Variants in MTRES1 observed in about 807,000 individuals in gnomAD.
MTRES1 encodes the protein mitochondrial transcription rescue factor 1, also known as uncharacterized protein C6orf203.
MTRES1 carries 11 observed loss-of-function variants against 17.4 expected under a neutral mutation model. The observed-to-expected ratio is 0.63, with a 90% CI of 0.40 to 1.05. The LOEUF is 1.05. Ranked by LOEUF, MTRES1 falls within the 50% of genes least tolerant of loss-of-function variation. MTRES1 has a pLI of 0.00. For synonymous variants in MTRES1, 94 were observed against 99.6 expected (o/e 0.94, Z 0.34); for missense variants, 268 against 276.2 (o/e 0.97, Z 0.21).
chr6:107,035,430 T>C (rs1773976821), intron 1 of MTRES1, among the ~76,000 whole-genome samples: 1 of 151,374 alleles, frequency 6.6e-6, no homozygotes, highest in Non-Finnish European at 1.5e-5. Flanking sequence ...AAGTAAAACT[T>C]TGAATAATGA....
rs1280720759 is a variant in MTRES1, at chr6:107,051,323, T to G, written c.*87T>G. 4 of 1,209,378 alleles carry G rather than the reference T, an allele frequency of 3.3e-6. No individual in the cohort carries two copies. The highest frequency in any genetic ancestry group is 2.4e-5 in the Admixed American group (1 of 42,062). 74.9% of individuals were successfully genotyped at this position (1,209,378 alleles called of 1,614,324 possible). On this transcript the variant is annotated 3_prime_UTR_variant, in exon 4 of 4. Coordinates refer to ENST00000311381, the MANE Select transcript of MTRES1 (RefSeq NM_016487.5). ...ATAGGACATTTTTATTAAAATAAAG[T>G]TCTCTTAGCGTTTGTGGAATCTGCC...
At chr6:107,041,070 C>CAAA (rs1233262666) in intron 2 of MTRES1, among the ~76,000 whole-genome samples, 1 of 146,388 alleles carries the variant, frequency 6.8e-6, no homozygotes, top group Non-Finnish European at 1.5e-5. Flanking sequence ...ACTAAAAATA[C>CAAA]AAAAAATTAG....
intron 1 of MTRES1, among the ~76,000 whole-genome samples, chr6:107,033,589 T>C (rs1554226663): frequency 2.6e-5 from 4 of 151,954 alleles, no homozygotes; most frequent in Non-Finnish European, 5.9e-5. Flanking sequence ...GAGGCTGAGC[T>C]GGGCAGATCA....
rs1233615869 is a variant in MTRES1, at chr6:107,029,891, C to T, written c.-13+1620C>T. On this transcript the variant is annotated intron_variant, in intron 1 of 3. Transcript: ENST00000311381. ...AAAGTGCTGGGATTATAGGCGTGAGCCACCTGCCTGACCTCATCTTGCCCT... is the reference window on the plus strand; with the variant it reads ...AAAGTGCTGGGATTATAGGCGTGAGTCACCTGCCTGACCTCATCTTGCCCT... 27 of 593,462 alleles carry T rather than the reference C, an allele frequency of 4.5e-5. No individual in the cohort carries two copies. The African/African-American group carries it at 5.1e-4, about 11-fold the overall frequency. The allele number at this position is 593,462 out of a possible 1,614,324, so 36.8% of individuals were successfully genotyped here. A position where few individuals can be genotyped will look rare whatever the true frequency, so the allele number is the denominator to read the frequency against.
intron 1 of MTRES1, among the ~76,000 whole-genome samples, chr6:107,036,257 A>C (rs1774003286): frequency 6.6e-6 from 1 of 152,146 alleles, no homozygotes; most frequent in African/African-American, 2.4e-5. Context: ...AAGAAGTTTA[A>C]TTCTGGCCGG....
intron 3 of MTRES1, among the ~76,000 whole-genome samples, chr6:107,050,551 C>CTTTTTTTTTTTTTTTT (rs142268482): frequency 1.3e-4 from 11 of 81,512 alleles, no homozygotes; most frequent in Admixed American, 1.7e-4. Flanking sequence ...CTCTCCCTTT[C>CTTTTTTTTTTTTTTTT]TTTTTTTTTT....
At chr6:107,044,393 A>C in intron 3 of MTRES1, 61 bp downstream of exon 3, 1 of 1,351,348 alleles carries the variant, frequency 7.4e-7, no homozygotes, top group Non-Finnish European at 1.1e-6. Context: ...CTAGTAACTC[A>C]ATTAATGCTG....
intron 1 of MTRES1, among the ~76,000 whole-genome samples, chr6:107,036,220 CTTATAATGCAAAAT>C (rs1774001843): frequency 6.6e-6 from 1 of 152,084 alleles, no homozygotes; most frequent in East Asian, 1.9e-4. Flanking sequence ...TAGTTGATTT[CTTATAATGCAAAAT>C]TTATTCATCT....
chr6:107,043,867 G>A (rs1323584237), intron 2 of MTRES1, among the ~76,000 whole-genome samples: 3 of 152,174 alleles, frequency 2.0e-5, no homozygotes, highest in East Asian at 1.9e-4. Flanking sequence ...GGTGGTTCAC[G>A]CCTGTAATCC....
intron 1 of MTRES1, among the ~76,000 whole-genome samples, chr6:107,037,931 C>T (rs1388962367): frequency 6.6e-6 from 1 of 152,050 alleles, no homozygotes; most frequent in African/African-American, 2.4e-5. Flanking sequence ...GTTGGCCAGG[C>T]TGGTCTTGAA....
intron 3 of MTRES1, among the ~76,000 whole-genome samples, chr6:107,044,588 G>A (rs1425304765): frequency 6.6e-6 from 1 of 152,144 alleles, no homozygotes; most frequent in Non-Finnish European, 1.5e-5. Context: ...AGAACTGGCA[G>A]AAATCCATTA....
Position 107,051,332 on chromosome 6 carries a change from C to T in MTRES1, c.*96C>T, listed in dbSNP as rs537598400. The T allele has an allele frequency of 8.7e-5, 99 of 1,136,020 alleles. No individual in the cohort carries two copies. The highest frequency in any genetic ancestry group is 3.0e-4 in the South Asian group (19 of 63,296). The allele number at this position is 1,136,020 out of a possible 1,614,324, so 70.4% of individuals were successfully genotyped here. The stretch of plus-strand genomic sequence containing the variant: ...TTTTATTAAAATAAAGTTCTCTTAG[C>T]GTTTGTGGAATCTGCCGAGCCATTT... On this transcript the variant is annotated 3_prime_UTR_variant, in exon 4 of 4. Transcript: ENST00000311381.
At chr6:107,043,769 GGCC>G (rs752844787) in intron 2 of MTRES1, among the ~76,000 whole-genome samples, 9 of 152,166 alleles carry the variant, frequency 5.9e-5, no homozygotes, top group Non-Finnish European at 1.2e-4. Flanking sequence ...GACCCGTGCT[GGCC>G]AAGGGTCAAC....
intron 2 of MTRES1, among the ~76,000 whole-genome samples, chr6:107,043,848 G>T (rs1211726438): frequency 6.6e-6 from 1 of 152,172 alleles, no homozygotes; most frequent in South Asian, 2.1e-4. Context: ...TAGATTTGAG[G>T]CCGGACGCGG....
chr6:107,030,778 A>G (rs1773809484), intron 1 of MTRES1, among the ~76,000 whole-genome samples: 1 of 152,182 alleles, frequency 6.6e-6, no homozygotes. Context: ...CGTGAAGTTC[A>G]AGTTCTGAGA....
At chr6:107,038,132 T>C (rs1774072041) in intron 1 of MTRES1, among the ~76,000 whole-genome samples, 1 of 152,186 alleles carries the variant, frequency 6.6e-6, no homozygotes. Flanking sequence ...GGTGGATTAA[T>C]AGAGTTGAGA....
intron 3 of MTRES1, among the ~76,000 whole-genome samples, chr6:107,045,710 A>G (rs1317457022): frequency 1.3e-5 from 2 of 152,246 alleles, no homozygotes; most frequent in Non-Finnish European, 2.9e-5. Flanking sequence ...AACAAAACAC[A>G]ATAAAAAGTT....
rs782728814 is a variant in MTRES1, at chr6:107,051,114, G to A, written c.601G>A (p.Glu201Lys). 1 of 1,613,974 alleles carries A rather than the reference G, an allele frequency of 6.2e-7. No individual in the cohort carries two copies. Among genetic ancestry groups the A allele is most frequent in the African/African-American group, 1.3e-5 (1 of 75,058 alleles). ...TGGAGAGGATAAAGAAGCAGGAACA[G>A]AGACAGTTATGCGGATTCTCTTGAA... ...LIGEDKEAGT[E>K]TVMRILLKKV... The change falls in exon 4 of 4, where the codon GAG becomes AAG. Residue 201 changes from glutamate (E) to lysine (K), a missense_variant. Glu to Lys is a moderately conservative substitution (Grantham distance 56). Coordinates refer to ENST00000311381, the MANE Select transcript of MTRES1 (RefSeq NM_016487.5).
intron 1 of MTRES1, chr6:107,029,991 G>T (rs1582588444): frequency 1.7e-6 from 1 of 584,676 alleles, no homozygotes. Flanking sequence ...TTTACAGGGT[G>T]TTTTTTTTTT....
Sources: allele counts gnomAD v4.1 joint callset (sites outside exome capture counted in the v4.1 genomes callset), GRCh38; gene constraint gnomAD v4.1.1; transcripts MANE v1.5; gene names NCBI Gene and HGNC (gene_info 2026-07-23, HGNC 2026-07-21).